SAMMSON: variants seen among roughly 807,000 people sequenced by gnomAD.
The protein encoded by SAMMSON is survival associated mitochondrial melanoma specific oncogenic non-coding RNA.
intron 4 of SAMMSON, among the ~76,000 whole-genome samples, chr3:70,159,938 G>A (rs1303323841): frequency 9.2e-5 from 14 of 151,902 alleles, no homozygotes; most frequent in Admixed American, 7.9e-4. Flanking sequence ...AATAACTAAC[G>A]ATGTTAAAGA....
At chr3:70,034,437 C>CA (rs1559777548) in intron 3 of SAMMSON, among the ~76,000 whole-genome samples, 1 of 151,934 alleles carries the variant, frequency 6.6e-6, no homozygotes, top group Non-Finnish European at 1.5e-5. Flanking sequence ...TGATAAGAGC[C>CA]AAAAAAGAAA....
intron 7 of SAMMSON, among the ~76,000 whole-genome samples, chr3:70,327,493 G>A (rs534025727): frequency 6.6e-6 from 1 of 152,148 alleles, no homozygotes; most frequent in African/African-American, 2.4e-5. Flanking sequence ...GGGACGCTAA[G>A]GCAGGTAGAA....
chr3:70,055,094 TG>T (rs918599954), intron 3 of SAMMSON, among the ~76,000 whole-genome samples: 3 of 152,110 alleles, frequency 2.0e-5, no homozygotes, highest in Non-Finnish European at 4.4e-5. Flanking sequence ...AAATATTAAC[TG>T]CAATCTTAAC....
At chr3:70,190,206 G>T (rs1478138481) in intron 4 of SAMMSON, among the ~76,000 whole-genome samples, 1 of 152,046 alleles carries the variant, frequency 6.6e-6, no homozygotes, top group East Asian at 1.9e-4. Context: ...AGGACTAATG[G>T]TCCTTTTCTA....
At chr3:70,252,957 G>T (rs1701783464) in intron 6 of SAMMSON, among the ~76,000 whole-genome samples, 1 of 152,022 alleles carries the variant, frequency 6.6e-6, no homozygotes, top group South Asian at 2.1e-4. Flanking sequence ...GCAGGCGCCT[G>T]TAATTCCAGC....
intron 4 of SAMMSON, chr3:70,197,152 AACAG>A (rs1701190181): frequency 2.5e-6 from 1 of 398,564 alleles, no homozygotes; most frequent in Non-Finnish European, 4.4e-6. Context: ...AAACTGGCAA[AACAG>A]ACAGGCGAGG....
chr3:70,093,922 T>C (rs1194207781), intron 4 of SAMMSON, among the ~76,000 whole-genome samples: 2 of 152,192 alleles, frequency 1.3e-5, no homozygotes, highest in East Asian at 1.9e-4. Flanking sequence ...CTTAGGTGCC[T>C]TTGAGGGACG....
chr3:70,148,369 G>C (rs909077460), intron 4 of SAMMSON, among the ~76,000 whole-genome samples: 4 of 152,246 alleles, frequency 2.6e-5, no homozygotes, highest in African/African-American at 7.2e-5. Context: ...GTCATGAAAG[G>C]TAATTTGTTT....
chr3:70,265,736 T>G (rs972120806), intron 6 of SAMMSON, among the ~76,000 whole-genome samples: 1 of 152,202 alleles, frequency 6.6e-6, no homozygotes, highest in Admixed American at 6.5e-5. Context: ...AAAGGTTTAA[T>G]TGACTCACAG....
At chr3:70,427,420 A>G (rs1037080976) in intron 2 of SAMMSON, among the ~76,000 whole-genome samples, 1 of 152,180 alleles carries the variant, frequency 6.6e-6, no homozygotes, top group Non-Finnish European at 1.5e-5. Context: ...TACCATGAGG[A>G]TTACCTAAAA....
intron 4 of SAMMSON, among the ~76,000 whole-genome samples, chr3:70,086,468 G>A (rs1021183839): frequency 6.6e-6 from 1 of 152,232 alleles, no homozygotes; most frequent in Non-Finnish European, 1.5e-5. Flanking sequence ...TGGCATGGTT[G>A]AGCTAGGATA....
chr3:70,077,692 G>A lies in SAMMSON; in HGVS notation n.507+6127G>A, dbSNP rs62253242. On this transcript the variant is annotated intron_variant and non_coding_transcript_variant, in intron 4 of 9. Coordinates refer to ENST00000642114, the Ensembl canonical transcript of SAMMSON. ...TGACTCGTAAATTTTGTTTTCCCAT[G>A]GAAATGATTATGAATTACAGTCTGT... 3.1e-3 allele frequency among the ~76,000 whole-genome samples: 479 copies of A among 152,236 alleles called. 3 individuals are homozygous for A. The highest frequency in any genetic ancestry group is 5.1e-3 in the Non-Finnish European group (345 of 68,022).
chr3:70,131,830 A>C (rs1349565564), intron 4 of SAMMSON, among the ~76,000 whole-genome samples: 1 of 152,140 alleles, frequency 6.6e-6, no homozygotes, highest in Non-Finnish European at 1.5e-5. Context: ...CACCCACCTC[A>C]GCCTCCCAAA....
At chr3:70,312,975 A>T (rs1024038706) in intron 7 of SAMMSON, among the ~76,000 whole-genome samples, 1 of 152,238 alleles carries the variant, frequency 6.6e-6, no homozygotes, top group African/African-American at 2.4e-5. Context: ...AAGAAAAGAA[A>T]GGGAAACCTT....
intron 7 of SAMMSON, chr3:70,291,278 C>T (rs1294618430): frequency 6.6e-6 from 1 of 152,112 alleles, no homozygotes; most frequent in Non-Finnish European, 1.5e-5. Context: ...ATTTTCTCAT[C>T]TGTGAAATGG....
At chr3:70,126,556 G>T in intron 4 of SAMMSON, 1 of 541,772 alleles carries the variant, frequency 1.8e-6, no homozygotes, top group South Asian at 2.0e-5. Flanking sequence ...CAGGGAAAGT[G>T]GGGAGGAGCT....
chr3:70,037,161 GT>G (rs112179007), intron 3 of SAMMSON, among the ~76,000 whole-genome samples: 100 of 145,112 alleles, frequency 6.9e-4, no homozygotes, highest in South Asian at 1.8e-3. Context: ...CTATTGATTT[GT>G]TTTTTTTTTT....
intron 4 of SAMMSON, among the ~76,000 whole-genome samples, chr3:70,197,849 G>C (rs1372079736): frequency 6.6e-6 from 1 of 152,088 alleles, no homozygotes; most frequent in South Asian, 2.1e-4. Flanking sequence ...ATGCCTAAAA[G>C]GTTTTAAATC....
chr3:70,385,272 A>T (rs1028748393), intron 9 of SAMMSON, among the ~76,000 whole-genome samples: 17 of 152,116 alleles, frequency 1.1e-4, no homozygotes, highest in Admixed American at 2.0e-4. Flanking sequence ...TATGATAACT[A>T]ACAGTAGGTC....
Sources: allele counts gnomAD v4.1 joint callset (sites outside exome capture counted in the v4.1 genomes callset), GRCh38; gene constraint gnomAD v4.1.1; transcripts MANE v1.5; gene names NCBI Gene and HGNC (gene_info 2026-07-23, HGNC 2026-07-21).